KALRN: variants seen among roughly 807,000 people sequenced by gnomAD.
The protein encoded by KALRN is kalirin RhoGEF kinase.
In KALRN, 70 loss-of-function variants were observed where a neutral mutation model predicts 353.7. That is an observed-to-expected ratio of 0.20 (90% CI 0.16 to 0.24). The LOEUF is 0.24. Ranked by LOEUF, KALRN falls within the 10% of genes least tolerant of loss-of-function variation. The probability of loss-of-function intolerance (pLI) is 1.00; values close to 1 mark genes in which losing one functional copy is unlikely to be tolerated. For missense variants in KALRN, 2,791 were observed against 3,756.7 expected (o/e 0.74, Z 6.72); for synonymous variants, 1,391 against 1,434.8 (o/e 0.97, Z 0.69).
At chr3:124,681,386 TG>T (rs1210615822) in intron 51 of KALRN, among the ~76,000 whole-genome samples, 11 of 152,164 alleles carry the variant, frequency 7.2e-5, no homozygotes, top group Non-Finnish European at 4.4e-5. Context: ...GGAGGTGCTG[TG>T]GAGTGCATGA....
chr3:124,291,764 T>G (rs767242366), intron 5 of KALRN, among the ~76,000 whole-genome samples: 3 of 152,230 alleles, frequency 2.0e-5, no homozygotes, highest in Non-Finnish European at 2.9e-5. Flanking sequence ...GTAACCAGGC[T>G]GTGCTGTCCT....
intron 5 of KALRN, among the ~76,000 whole-genome samples, chr3:124,284,488 C>T (rs2075644682): frequency 6.6e-6 from 1 of 152,232 alleles, no homozygotes; most frequent in Non-Finnish European, 1.5e-5. Context: ...CAGAAGCCAT[C>T]CATGCTTTTC....
chr3:124,375,278 C>T (rs1057352284), intron 10 of KALRN, among the ~76,000 whole-genome samples: 2 of 152,176 alleles, frequency 1.3e-5, no homozygotes, highest in African/African-American at 2.4e-5. Context: ...GTCTGCATAG[C>T]GCACGCCTCA....
intron 1 of KALRN, among the ~76,000 whole-genome samples, chr3:124,129,524 C>T (rs1054822369): frequency 2.0e-5 from 3 of 152,202 alleles, no homozygotes; most frequent in South Asian, 2.1e-4. Context: ...TTAGGCACTG[C>T]ACTTGGTGGT....
At chr3:124,568,501 AG>A (rs1287831505) in intron 34 of KALRN, among the ~76,000 whole-genome samples, 3 of 152,250 alleles carry the variant, frequency 2.0e-5, no homozygotes, top group Non-Finnish European at 4.4e-5. Flanking sequence ...CCAACATCTG[AG>A]TATATATCCA....
chr3:124,272,046 A>G (rs1411044800), intron 5 of KALRN, among the ~76,000 whole-genome samples: 1 of 152,182 alleles, frequency 6.6e-6, no homozygotes, highest in South Asian at 2.1e-4. Flanking sequence ...GTAAAGAGAG[A>G]GGGGGCTAAG....
chr3:124,539,025 G>A (rs991001151), intron 33 of KALRN, among the ~76,000 whole-genome samples: 6 of 152,152 alleles, frequency 3.9e-5, no homozygotes, highest in Admixed American at 6.5e-5. Flanking sequence ...TGCCTGGGGG[G>A]CTGGTGCAGA....
chr3:124,644,329 T>TA (rs1305065220), intron 37 of KALRN, among the ~76,000 whole-genome samples: 3 of 149,632 alleles, frequency 2.0e-5, no homozygotes, highest in Non-Finnish European at 3.0e-5. Flanking sequence ...GATCTTTTTT[T>TA]AAAATTTTTT....
At chr3:124,481,139 G>C (rs896521837) in intron 27 of KALRN, among the ~76,000 whole-genome samples, 5 of 151,940 alleles carry the variant, frequency 3.3e-5, no homozygotes, top group African/African-American at 1.2e-4. Context: ...GTTGCTGTTA[G>C]GTATATATAT....
intron 6 of KALRN, among the ~76,000 whole-genome samples, chr3:124,313,776 G>T (rs962795082): frequency 6.6e-6 from 1 of 152,194 alleles, no homozygotes; most frequent in African/African-American, 2.4e-5. Flanking sequence ...TGAGAACCAA[G>T]TTGAAAATCA....
chr3:124,617,341 T>A (rs889897207), intron 34 of KALRN, among the ~76,000 whole-genome samples: 1 of 152,068 alleles, frequency 6.6e-6, no homozygotes, highest in African/African-American at 2.4e-5. Context: ...CTCACACAAA[T>A]GAACAAAGAA....
At chr3:124,255,450 G>T (rs2071810496) in intron 3 of KALRN, among the ~76,000 whole-genome samples, 1 of 152,142 alleles carries the variant, frequency 6.6e-6, no homozygotes, top group Non-Finnish European at 1.5e-5. Flanking sequence ...CCTGGTGCCT[G>T]GTACTGGGCC....
At chr3:124,160,616 G>A (rs922290240) in intron 1 of KALRN, among the ~76,000 whole-genome samples, 1 of 152,080 alleles carries the variant, frequency 6.6e-6, no homozygotes, top group African/African-American at 2.4e-5. Context: ...CTATCTGTCA[G>A]ATGGAGTCAC....
intron 1 of KALRN, among the ~76,000 whole-genome samples, chr3:124,066,118 C>T (rs1222971407): frequency 6.6e-6 from 1 of 152,156 alleles, no homozygotes; most frequent in Non-Finnish European, 1.5e-5. Context: ...ATTGAGTCAT[C>T]AGGCTAGGTG....
At chr3:124,623,427 C>CAAAA (rs1554055242) in intron 34 of KALRN, among the ~76,000 whole-genome samples, 193 of 147,126 alleles carry the variant, frequency 1.3e-3, no homozygotes, top group East Asian at 4.9e-3. Flanking sequence ...CACACACACA[C>CAAAA]AAAAGGGAGT....
chr3:124,659,464 A>G lies in KALRN; in HGVS notation c.6216+7A>G, dbSNP rs760704068. 1.9e-6 allele frequency: 3 copies of G among 1,595,794 alleles called. No individual in the cohort carries two copies. Among genetic ancestry groups the G allele is most frequent in the South Asian group, 1.1e-5 (1 of 90,700 alleles). On this transcript the variant is annotated splice_region_variant and intron_variant, in intron 43 of 59. Transcript: ENST00000682506. ...ATACCAGTTGCTCCTCAAGGTAAGA[A>G]GCTGGGAGCCTGGGTGAGGGCTGGA...
At chr3:124,290,134 G>A (rs1373004390) in intron 5 of KALRN, among the ~76,000 whole-genome samples, 1 of 152,146 alleles carries the variant, frequency 6.6e-6, no homozygotes, top group Non-Finnish European at 1.5e-5. Flanking sequence ...ATGTGTCAAG[G>A]AAGAAAATTC....
intron 34 of KALRN, among the ~76,000 whole-genome samples, chr3:124,580,558 G>C (rs2074529769): frequency 6.6e-6 from 1 of 152,200 alleles, no homozygotes; most frequent in African/African-American, 2.4e-5. Flanking sequence ...ACATCTGGAT[G>C]CAGGCTGGAG....
chr3:124,551,316 G>A (rs552552378), intron 33 of KALRN, among the ~76,000 whole-genome samples: 9 of 152,348 alleles, frequency 5.9e-5, no homozygotes, highest in African/African-American at 2.2e-4. Context: ...ACTGAAGAAG[G>A]TAAGGTCAGG....
Sources: gnomAD v4.1 joint callset for allele counts (sites outside exome capture counted in the v4.1 genomes callset) on GRCh38, gnomAD v4.1.1 for gene constraint, MANE v1.5 for transcripts, NCBI Gene and HGNC (gene_info 2026-07-23, HGNC 2026-07-21) for gene names.